CLASP1: variants seen among roughly 807,000 people sequenced by gnomAD.
The protein encoded by CLASP1 is CLIP-associating protein 1.
Under a neutral mutation model 192.3 loss-of-function variants are expected in CLASP1, and 38 were observed. The observed-to-expected ratio is 0.20, with a 90% CI of 0.15 to 0.26. The LOEUF (loss-of-function observed/expected upper bound fraction) is 0.26, where lower values mean the gene tolerates loss of function less well. CLASP1 is among the 10% of genes least tolerant of loss of function. CLASP1 has a pLI of 1.00. For missense variants in CLASP1, 1,433 were observed against 1,932.5 expected (o/e 0.74, Z 4.85); for synonymous variants, 691 against 712.8 (o/e 0.97, Z 0.49).
intron 35 of CLASP1, 126 bp downstream of exon 36, chr2:121,367,462 C>T (rs189276801): frequency 1.6e-6 from 2 of 1,279,908 alleles, no homozygotes; most frequent in East Asian, 4.9e-5. Context: ...GAACAAATGA[C>T]TAAGCAGAAA....
chr2:121,403,014 TA>T (rs1250678554), intron 26 of CLASP1, among the ~76,000 whole-genome samples: 3 of 152,212 alleles, frequency 2.0e-5, no homozygotes, highest in African/African-American at 7.2e-5. Flanking sequence ...ATATTTTTAG[TA>T]GAGACAGGGT....
chr2:121,390,836 A>T (rs779438160), intron 30 of CLASP1, among the ~76,000 whole-genome samples: 3 of 151,870 alleles, frequency 2.0e-5, no homozygotes, highest in Non-Finnish European at 4.4e-5. Context: ...TTTTCAAGAG[A>T]TGGGGGTCTT....
chr2:121,647,105 C>T (rs958291159), intron 1 of CLASP1, among the ~76,000 whole-genome samples: 4 of 151,676 alleles, frequency 2.6e-5, no homozygotes, highest in East Asian at 1.9e-4. Flanking sequence ...CGATTGCTCA[C>T]GCCTGTAATC....
At chr2:121,565,959 T>C (rs2059463309) in intron 2 of CLASP1, among the ~76,000 whole-genome samples, 1 of 152,116 alleles carries the variant, frequency 6.6e-6, no homozygotes, top group Non-Finnish European at 1.5e-5. Flanking sequence ...AAAGCACAAG[T>C]GAACTTTCTT....
At position 121,503,322 on chromosome 2, in the gene CLASP1, C is replaced by T. The variant is rs2093823198; in HGVS notation, c.645-88G>A. On this transcript the variant is annotated intron_variant, in intron 7 of 39. Transcript: ENST00000263710. ...AATGCTAATGTGAAGTTGATCCCCA[C>T]TCCCCATCAAAAAAAACAATGGTAC... The T allele has an allele frequency of 4.0e-6, 3 of 754,070 alleles. No individual in the cohort carries two copies. The South Asian group carries it at 5.0e-5, about 13-fold the overall frequency. The allele number at this position is 754,070 out of a possible 1,614,324, so 46.7% of individuals were successfully genotyped here.
intron 6 of CLASP1, among the ~76,000 whole-genome samples, chr2:121,525,569 A>G (rs1014277819): frequency 6.6e-6 from 1 of 152,152 alleles, no homozygotes; most frequent in Non-Finnish European, 1.5e-5. Context: ...GCTGGTCTGG[A>G]TAACATCAAT....
At chr2:121,416,037 G>A (rs545814386) in intron 23 of CLASP1, among the ~76,000 whole-genome samples, 13 of 152,268 alleles carry the variant, frequency 8.5e-5, no homozygotes, top group Admixed American at 4.6e-4. Flanking sequence ...AATATCTTAA[G>A]ACTGAAGCAA....
At chr2:121,370,537 A>G (rs2068422043) in intron 34 of CLASP1, among the ~76,000 whole-genome samples, 1 of 152,082 alleles carries the variant, frequency 6.6e-6, no homozygotes, top group Non-Finnish European at 1.5e-5. Flanking sequence ...GTTGGTCAGG[A>G]TGGTCTGGAA....
chr2:121,528,701 G>A, exon 4 of CLASP1: 1 of 1,613,992 alleles, frequency 6.2e-7, no homozygotes, highest in Non-Finnish European at 8.5e-7. Flanking sequence ...CTTGATCCAT[G>A]ATCTTTAGCA....
intron 2 of CLASP1, among the ~76,000 whole-genome samples, chr2:121,545,630 C>T (rs1238184806): frequency 2.0e-5 from 3 of 152,142 alleles, no homozygotes; most frequent in Non-Finnish European, 4.4e-5. Flanking sequence ...ATCTGCATTT[C>T]CTGCAGATGA....
intron 8 of CLASP1, among the ~76,000 whole-genome samples, chr2:121,488,573 T>C (rs1056800470): frequency 7.2e-5 from 11 of 152,210 alleles, no homozygotes; most frequent in South Asian, 2.1e-4. Context: ...CTCTCCCCTG[T>C]CCTGCAACTA....
Position 121,369,137 on chromosome 2 carries a change from C to T in CLASP1, c.3643-1306G>A, listed in dbSNP as rs533460577. 3.3e-5 allele frequency among the ~76,000 whole-genome samples: 5 copies of T among 152,292 alleles called. No homozygotes were observed. The East Asian group carries it at 9.6e-4, about 29-fold the overall frequency. ...CATCTGCTGATGGGCACTTGGATTG[C>T]TTTTGCCTTTTGGCTCTTGTGAATA... is the stretch of plus-strand genomic sequence containing the variant. On this transcript the variant is annotated intron_variant, in intron 34 of 39. Coordinates refer to ENST00000263710, the Ensembl canonical transcript of CLASP1.
chr2:121,539,059 T>C (rs1164156533), intron 2 of CLASP1, among the ~76,000 whole-genome samples: 1 of 152,250 alleles, frequency 6.6e-6, no homozygotes, highest in East Asian at 1.9e-4. Context: ...TAGGCTGGAA[T>C]ACTCAGTACT....
At chr2:121,478,964 C>A (rs1575285704) in intron 8 of CLASP1, among the ~76,000 whole-genome samples, 2 of 52,720 alleles carry the variant, frequency 3.8e-5, no homozygotes, top group South Asian at 7.3e-4. Flanking sequence ...ACACACACAC[C>A]ACACACACCA....
chr2:121,511,589 A>AT (rs1434053550), intron 7 of CLASP1, among the ~76,000 whole-genome samples: 3 of 144,406 alleles, frequency 2.1e-5, no homozygotes, highest in African/African-American at 5.1e-5. Context: ...ACTCCATCTC[A>AT]AAAAAAAAAA....
At chr2:121,395,415 A>C (rs1674748619) in intron 30 of CLASP1, among the ~76,000 whole-genome samples, 1 of 152,174 alleles carries the variant, frequency 6.6e-6, no homozygotes, top group Admixed American at 6.6e-5. Flanking sequence ...ATCATTCATT[A>C]ATTCATTCAA....
rs1433285987 is a variant in CLASP1 at position 121,411,103 on chromosome 2, ACTTGTTT to A, written c.2321-141_2321-135del. The stretch of plus-strand genomic sequence containing the variant: ...CTCTAGCCAATTTTAACTACACTTG[ACTTGTTT>A]ACCAGTGGTAGAGGTTAAGCTGTTC... On this transcript the variant is annotated intron_variant, in intron 23 of 39. Coordinates refer to ENST00000263710, the Ensembl canonical transcript of CLASP1. 3.0e-5 allele frequency: 18 copies of A among 601,568 alleles called. 1 individual carries two copies. The highest frequency in any genetic ancestry group is 2.3e-4 in the East Asian group (8 of 34,948). The allele number at this position is 601,568 out of a possible 1,614,324, so 37.3% of individuals were successfully genotyped here.
intron 21 of CLASP1, among the ~76,000 whole-genome samples, chr2:121,427,201 T>TAGG (rs2080552230): frequency 6.6e-6 from 1 of 152,024 alleles, no homozygotes; most frequent in Admixed American, 6.6e-5. Flanking sequence ...ACCCATAAAA[T>TAGG]TTGAGCTATA....
intron 14 of CLASP1, among the ~76,000 whole-genome samples, chr2:121,452,423 G>C (rs2085676903): frequency 6.6e-6 from 1 of 152,128 alleles, no homozygotes; most frequent in South Asian, 2.1e-4. Flanking sequence ...TCACTTTTAT[G>C]ATTTTTCTTG....
Sources: allele counts gnomAD v4.1 joint callset (sites outside exome capture counted in the v4.1 genomes callset), GRCh38; gene constraint gnomAD v4.1.1; transcripts MANE v1.5; gene names NCBI Gene and HGNC (gene_info 2026-07-23, HGNC 2026-07-21).